The following MAGI3 variants were observed in gnomAD, a reference collection of about 807,000 sequenced individuals.
MAGI3 encodes membrane-associated guanylate kinase, WW and PDZ domain-containing protein 3.
In MAGI3, 43 loss-of-function variants were observed where a neutral mutation model predicts 121.8. The observed-to-expected ratio is 0.35, with a 90% CI of 0.28 to 0.46. MAGI3 has a LOEUF of 0.46. Ranked by LOEUF, MAGI3 falls within the 20% of genes least tolerant of loss-of-function variation. The probability of loss-of-function intolerance (pLI) is 1.00; values close to 1 mark genes in which losing one functional copy is unlikely to be tolerated. For missense variants in MAGI3, 1,547 were observed against 1,797.3 expected, an observed-to-expected ratio of 0.86 and a Z score of 2.52; for synonymous variants, 553 against 639.3, an observed-to-expected ratio of 0.86 and a Z score of 2.04.
chr1:113,648,269 A>G (rs953098889), intron 12 of MAGI3, among the ~76,000 whole-genome samples: 5 of 152,154 alleles, frequency 3.3e-5, no homozygotes, highest in African/African-American at 4.8e-5. Flanking sequence ...ATTATCAGGA[A>G]TTTACTAATC....
At chr1:113,611,140 G>A (rs1473400646) in intron 6 of MAGI3, among the ~76,000 whole-genome samples, 1 of 146,088 alleles carries the variant, frequency 6.8e-6, no homozygotes, top group Non-Finnish European at 1.5e-5. Flanking sequence ...AGGCTGGAGT[G>A]CAGTGATGAG....
chr1:113,676,830 G>T (rs910080007), intron 19 of MAGI3, among the ~76,000 whole-genome samples: 3 of 151,970 alleles, frequency 2.0e-5, no homozygotes, highest in Admixed American at 1.3e-4. Context: ...CTATTATTCC[G>T]TATCTCCAGC....
chr1:113,576,488 C>G (rs1396441617), intron 2 of MAGI3, among the ~76,000 whole-genome samples: 1 of 152,144 alleles, frequency 6.6e-6, no homozygotes, highest in Non-Finnish European at 1.5e-5. Flanking sequence ...CGAGCTGCAC[C>G]CACTGTCTAA....
At chr1:113,559,565 T>TC (rs1290982241) in intron 2 of MAGI3, among the ~76,000 whole-genome samples, 1 of 150,454 alleles carries the variant, frequency 6.6e-6, no homozygotes, top group Non-Finnish European at 1.5e-5. Context: ...TTCATAAAGT[T>TC]CCTTTTTTTT....
At chr1:113,662,827 A>C (rs1192446643) in intron 16 of MAGI3, among the ~76,000 whole-genome samples, 1 of 152,094 alleles carries the variant, frequency 6.6e-6, no homozygotes, top group Non-Finnish European at 1.5e-5. Context: ...ATGCCATTTT[A>C]CTGTTCTAAG....
chr1:113,395,087 G>GTTTTTTTT lies in MAGI3; in HGVS notation c.316+3760_316+3767dup, dbSNP rs139532433. ...TCTTATCTCTTGAATCTTTTTGTTA[G>GTTTTTTTT]TTTTTTTTTTTTTTTTTTTTTTTTT... is the stretch of plus-strand genomic sequence containing the variant. On this transcript the variant is annotated intron_variant, in intron 1 of 20. Transcript: ENST00000307546. Among the ~76,000 whole-genome samples the GTTTTTTTT allele has an allele frequency of 4.5e-4, 15 of 33,234 alleles. 1 individual carries two copies. Among genetic ancestry groups the GTTTTTTTT allele is most frequent in the Admixed American group, 1.2e-3 (3 of 2,488 alleles). 21.8% of individuals were successfully genotyped at this position (33,234 alleles called of 152,430 possible). A position where few individuals can be genotyped will look rare whatever the true frequency, so the allele number is the denominator to read the frequency against.
At chr1:113,588,695 A>G (rs1338901804) in intron 4 of MAGI3, among the ~76,000 whole-genome samples, 2 of 152,158 alleles carry the variant, frequency 1.3e-5, no homozygotes, top group Admixed American at 6.5e-5. Context: ...CTCAAGTAGG[A>G]TGGAACTGAG....
Position 113,671,803 on chromosome 1 carries a change from G to A in MAGI3, c.2885G>A (p.Gly962Glu). 1.2e-6 allele frequency: 2 copies of A among 1,614,232 alleles called. No homozygotes were observed. Among genetic ancestry groups the A allele is most frequent in the Non-Finnish European group, 1.7e-6 (2 of 1,180,038 alleles). The change falls in exon 17 of 21, where the codon GGA becomes GAA. Residue 962 changes from glycine (G) to glutamate (E), a missense_variant. Coordinates refer to ENST00000307546, the MANE Select transcript of MAGI3 (RefSeq NM_001142782.2). ...CCAGCCCTGCAGCACAGGCCCATGG[G>A]ACAGTCACAGGCCAACCACATACCT... ...QSPALQHRPM[G>E]QSQANHIPGD... is the part of the protein sequence containing the mutation.
chr1:113,549,953 T>C (rs1487627960), intron 2 of MAGI3, among the ~76,000 whole-genome samples: 4 of 149,922 alleles, frequency 2.7e-5, no homozygotes, highest in Non-Finnish European at 5.9e-5. Context: ...TCATCTCTAC[T>C]AAAAATAAAA....
intron 19 of MAGI3, among the ~76,000 whole-genome samples, chr1:113,675,390 G>A (rs1345793557): frequency 1.3e-5 from 2 of 152,220 alleles, no homozygotes; most frequent in Non-Finnish European, 2.9e-5. Context: ...TGACTCAGAA[G>A]CCTTGCCCCA....
chr1:113,606,963 G>T (rs1292229419), intron 6 of MAGI3, among the ~76,000 whole-genome samples: 1 of 152,026 alleles, frequency 6.6e-6, no homozygotes, highest in Non-Finnish European at 1.5e-5. Context: ...TGCTACATTT[G>T]CTTCTTCACA....
chr1:113,423,245 C>T (rs1346421414), intron 1 of MAGI3, among the ~76,000 whole-genome samples: 8 of 83,710 alleles, frequency 9.6e-5, no homozygotes, highest in African/African-American at 2.1e-4. Context: ...GGTAAGTATT[C>T]GTTTTTTTTT....
At chr1:113,514,182 G>A (rs1336321571) in intron 1 of MAGI3, among the ~76,000 whole-genome samples, 5 of 152,222 alleles carry the variant, frequency 3.3e-5, no homozygotes, top group Non-Finnish European at 4.4e-5. Context: ...TGGTGGGACT[G>A]TAAACTAGTT....
At position 113,642,300 on chromosome 1, in the gene MAGI3, G is replaced by A; in HGVS notation, c.1750G>A (p.Gly584Ser). Residue 584 changes from glycine to serine, a missense_variant, in exon 10 of 21, where the codon GGC (glycine) becomes AGC (serine). Transcript: ENST00000307546. ...ACTAGTGACTATCCCTTTGATTAAGGGCCCTAAAGGGTTTGGGTTTGCAAT... is the reference window on the plus strand; with the variant it reads ...ACTAGTGACTATCCCTTTGATTAAGAGCCCTAAAGGGTTTGGGTTTGCAAT... ...PELVTIPLIKGPKGFGFAIAD... is the reference protein window; with the variant it reads ...PELVTIPLIKSPKGFGFAIAD... 6.2e-7 allele frequency: 1 copy of A among 1,614,136 alleles called. No homozygotes were observed. The highest frequency in any genetic ancestry group is 8.5e-7 in the Non-Finnish European group (1 of 1,180,022).
chr1:113,655,273 G>A (rs1182936210), intron 15 of MAGI3, among the ~76,000 whole-genome samples: 1 of 152,054 alleles, frequency 6.6e-6, no homozygotes, highest in Admixed American at 6.5e-5. Context: ...ATAACACCAG[G>A]CATTCAGATT....
chr1:113,615,339 G>A (rs1650393017), intron 7 of MAGI3, among the ~76,000 whole-genome samples: 1 of 152,104 alleles, frequency 6.6e-6, no homozygotes, highest in African/African-American at 2.4e-5. Context: ...GCTAAACACT[G>A]AATTTGACCT....
intron 1 of MAGI3, among the ~76,000 whole-genome samples, chr1:113,467,842 A>C (rs1157477966): frequency 6.6e-6 from 1 of 152,050 alleles, no homozygotes; most frequent in African/African-American, 2.4e-5. Flanking sequence ...GCTCCCTCCT[A>C]TTATTGTATT....
chr1:113,666,016 G>A (rs1463601314), intron 16 of MAGI3, among the ~76,000 whole-genome samples: 3 of 152,114 alleles, frequency 2.0e-5, no homozygotes, highest in Non-Finnish European at 4.4e-5. Context: ...ATAGCAGTAT[G>A]TCTTAAAAAA....
chr1:113,669,552 TAG>T (rs1647398323), intron 16 of MAGI3, among the ~76,000 whole-genome samples: 1 of 152,170 alleles, frequency 6.6e-6, no homozygotes, highest in African/African-American at 2.4e-5. Context: ...TAGTTTGAGA[TAG>T]AGTCTTGCTC....
Sources: gnomAD v4.1 joint callset for allele counts (sites outside exome capture counted in the v4.1 genomes callset) on GRCh38, gnomAD v4.1.1 for gene constraint, MANE v1.5 for transcripts, NCBI Gene and HGNC (gene_info 2026-07-23, HGNC 2026-07-21) for gene names.